RMND5A: variants seen among roughly 807,000 people sequenced by gnomAD.
RMND5A encodes the protein E3 ubiquitin-protein transferase RMND5A.
A neutral mutation model predicts 49.7 loss-of-function variants in RMND5A; 17 were observed. The ratio of observed to expected loss-of-function variants is 0.34; its 90% CI spans 0.23 to 0.51. The LOEUF is 0.51. RMND5A is among the 20% of genes least tolerant of loss of function. RMND5A has a pLI of 0.96. For missense variants in RMND5A, 255 were observed against 471.3 expected, an observed-to-expected ratio of 0.54 and a Z score of 4.25; for synonymous variants, 156 against 167.7, an observed-to-expected ratio of 0.93 and a Z score of 0.54.
chr2:86,746,734 A>G (rs1681543723), intron 2 of RMND5A, among the ~76,000 whole-genome samples: 1 of 152,234 alleles, frequency 6.6e-6, no homozygotes, highest in African/African-American at 2.4e-5. Flanking sequence ...GAATTAATAA[A>G]ATAGCCACAG....
At chr2:86,756,928 CT>C (rs1681749532) in intron 4 of RMND5A, among the ~76,000 whole-genome samples, 1 of 152,078 alleles carries the variant, frequency 6.6e-6, no homozygotes, top group East Asian at 1.9e-4. Context: ...AATCCCAGCA[CT>C]TTGGGAGGCC....
chr2:86,763,317 C>T (rs1672536167), intron 4 of RMND5A, among the ~76,000 whole-genome samples: 1 of 152,034 alleles, frequency 6.6e-6, no homozygotes, highest in Admixed American at 6.6e-5. Context: ...CATACTCATG[C>T]TTATATGATT....
At chr2:86,772,943 C>T (rs746906249) in intron 8 of RMND5A, among the ~76,000 whole-genome samples, 1 of 152,110 alleles carries the variant, frequency 6.6e-6, no homozygotes. Flanking sequence ...GTGGGCCGTT[C>T]TTGGTGTGGG....
At chr2:86,752,853 C>T (rs890085976) in intron 3 of RMND5A, among the ~76,000 whole-genome samples, 1 of 152,178 alleles carries the variant, frequency 6.6e-6, no homozygotes, top group Admixed American at 6.5e-5. Context: ...CTATTTTAAA[C>T]AATTCAGATA....
intron 1 of RMND5A, among the ~76,000 whole-genome samples, chr2:86,732,478 G>A (rs1681348368): frequency 1.4e-5 from 2 of 143,258 alleles, no homozygotes; most frequent in South Asian, 2.2e-4. Context: ...GACACGAGAC[G>A]TGCTTTTTTT....
chr2:86,752,687 C>T (rs1280915715), intron 3 of RMND5A, among the ~76,000 whole-genome samples: 1 of 152,282 alleles, frequency 6.6e-6, no homozygotes, highest in South Asian at 2.1e-4. Context: ...TTAACAGGTT[C>T]TTTGTGAAAG....
intron 1 of RMND5A, chr2:86,721,147 A>C (rs1573424602): frequency 7.9e-6 from 2 of 253,394 alleles, no homozygotes; most frequent in East Asian, 2.1e-4. Flanking sequence ...CCCCGCTCCC[A>C]GCCGGCCCCG....
In RMND5A at chr2:86,720,554, G is replaced by C; in HGVS notation, c.-114G>C. 4 of 935,446 alleles carry C rather than the reference G, an allele frequency of 4.3e-6. No individual in the cohort carries two copies. The highest frequency in any genetic ancestry group is 4.1e-6 in the Non-Finnish European group (3 of 731,594). The allele number at this position is 935,446 out of a possible 1,614,324, so 57.9% of individuals were successfully genotyped here. ...TGCGCCCGCCGCCTCGGCCGCCTCA[G>C]CCTCCCGCGCCGCCCGCTTGGGGAA... is the stretch of plus-strand genomic sequence containing the variant. On this transcript the variant is annotated 5_prime_UTR_variant, in exon 1 of 9. Coordinates refer to ENST00000283632, the MANE Select transcript of RMND5A (RefSeq NM_022780.4).
intron 7 of RMND5A, among the ~76,000 whole-genome samples, chr2:86,770,425 G>A (rs2271666): frequency 0.83 from 125,570 of 152,166 alleles, 52,112 homozygotes; most frequent in East Asian, 0.99. Context: ...GCAGTTCACA[G>A]ACCACTCCTG....
chr2:86,764,933 C>T, intron 4 of RMND5A, 94 bp from the exon 5 acceptor site: 1 of 1,230,544 alleles, frequency 8.1e-7, no homozygotes, highest in Non-Finnish European at 1.1e-6. Flanking sequence ...GATGGCAGAC[C>T]AAGCCCCTTT....
chr2:86,736,314 G>T (rs1303470821), intron 1 of RMND5A, among the ~76,000 whole-genome samples: 4 of 114,454 alleles, frequency 3.5e-5, no homozygotes, highest in Admixed American at 2.8e-4. Context: ...CTCCCTAGAA[G>T]CTTGGACTGT....
rs922571492 is a variant in RMND5A at position 86,776,459 on chromosome 2, C to G, written c.*3048C>G. 2 of 152,148 alleles carry G rather than the reference C, an allele frequency of 1.3e-5. No homozygotes were observed. The highest frequency in any genetic ancestry group is 4.1e-4 in the South Asian group (2 of 4,822). The allele number at this position is 152,148 out of a possible 1,614,324, so 9.4% of individuals were successfully genotyped here. ...GCTAATGCATAGAGACACTAAAACC[C>G]ACACCACATTTTGTGGGAAATGAGG... On this transcript the variant is annotated 3_prime_UTR_variant, in exon 9 of 9. Transcript: ENST00000283632.
chr2:86,745,791 A>AT (rs1681526579), intron 2 of RMND5A, among the ~76,000 whole-genome samples: 1 of 152,182 alleles, frequency 6.6e-6, no homozygotes, highest in Non-Finnish European at 1.5e-5. Context: ...CATTATTCCC[A>AT]TTTTATATAT....
intron 6 of RMND5A, among the ~76,000 whole-genome samples, chr2:86,767,783 T>C (rs1385185637): frequency 6.6e-6 from 1 of 152,258 alleles, no homozygotes; most frequent in East Asian, 1.9e-4. Context: ...CTACCTGTTT[T>C]GGCCAAAACT....
At chr2:86,762,547 AG>A (rs1161513263) in intron 4 of RMND5A, among the ~76,000 whole-genome samples, 1 of 151,852 alleles carries the variant, frequency 6.6e-6, no homozygotes, top group Non-Finnish European at 1.5e-5. Context: ...TGGGAGGCCG[AG>A]GCAGGAGAAT....
chr2:86,721,820 G>A (rs1326927385), intron 1 of RMND5A, among the ~76,000 whole-genome samples: 1 of 148,650 alleles, frequency 6.7e-6, no homozygotes, highest in Non-Finnish European at 1.5e-5. Flanking sequence ...GGAAGATGCA[G>A]ATTATTTGTG....
intron 2 of RMND5A, among the ~76,000 whole-genome samples, chr2:86,750,042 T>C (rs1467116513): frequency 6.6e-6 from 1 of 152,226 alleles, no homozygotes. Context: ...TAAGCAGTGG[T>C]TGACTAGGAT....
At chr2:86,720,998 C>G in intron 1 of RMND5A, 189 bp downstream of exon 1, 1 of 499,186 alleles carries the variant, frequency 2.0e-6, no homozygotes, top group Non-Finnish European at 3.4e-6. Context: ...CCTGCCGCGA[C>G]CTCGCTGCCA....
At chr2:86,744,533 T>C (rs1681503431) in intron 2 of RMND5A, among the ~76,000 whole-genome samples, 1 of 152,210 alleles carries the variant, frequency 6.6e-6, no homozygotes. Flanking sequence ...CAGGCTGGTT[T>C]TGAGTGAGAA....
Sources: allele counts gnomAD v4.1 joint callset (sites outside exome capture counted in the v4.1 genomes callset), GRCh38; gene constraint gnomAD v4.1.1; transcripts MANE v1.5; gene names NCBI Gene and HGNC (gene_info 2026-07-23, HGNC 2026-07-21).